CAMKMT: variants seen among roughly 807,000 people sequenced by gnomAD.
CAMKMT encodes calmodulin-lysine N-methyltransferase, also known as CaM KMT.
A neutral mutation model predicts 48.0 loss-of-function variants in CAMKMT; 53 were observed. The ratio of observed to expected loss-of-function variants is 1.10; its 90% CI spans 0.89 to 1.39. The LOEUF (loss-of-function observed/expected upper bound fraction) is 1.39. CAMKMT is among the 40% of genes most tolerant of loss of function. The probability of loss-of-function intolerance (pLI) is 0.00; values close to 1 mark genes in which losing one functional copy is unlikely to be tolerated. For synonymous variants in CAMKMT, 165 were observed against 152.3 expected, an observed-to-expected ratio of 1.08 and a Z score of -0.61; for missense variants, 428 against 402.7, an observed-to-expected ratio of 1.06 and a Z score of -0.54.
chr2:44,614,066 A>G (rs1671739832), intron 3 of CAMKMT, among the ~76,000 whole-genome samples: 2 of 152,252 alleles, frequency 1.3e-5, no homozygotes, highest in Non-Finnish European at 1.5e-5. Context: ...CAGAAAACCT[A>G]TAATGCTTTT....
At chr2:44,614,809 G>A (rs1671778855) in intron 3 of CAMKMT, among the ~76,000 whole-genome samples, 1 of 151,916 alleles carries the variant, frequency 6.6e-6, no homozygotes, top group African/African-American at 2.4e-5. Flanking sequence ...GTCTCAGTAT[G>A]CTTCACACAC....
chr2:44,684,447 A>G (rs1371334174), intron 3 of CAMKMT, among the ~76,000 whole-genome samples: 1 of 152,098 alleles, frequency 6.6e-6, no homozygotes, highest in Non-Finnish European at 1.5e-5. Context: ...AATTTTCTAT[A>G]TGGCTTAAGG....
At chr2:44,401,341 G>C (rs1682360004) in intron 3 of CAMKMT, among the ~76,000 whole-genome samples, 2 of 152,086 alleles carry the variant, frequency 1.3e-5, no homozygotes. Context: ...TGGATCACCT[G>C]AGGTCAGGAG....
intron 3 of CAMKMT, among the ~76,000 whole-genome samples, chr2:44,462,210 A>C (rs982881354): frequency 5.9e-5 from 9 of 152,158 alleles, no homozygotes; most frequent in Non-Finnish European, 1.3e-4. Flanking sequence ...AAATTCAAAT[A>C]ATAAAGAAAA....
At chr2:44,622,441 C>T (rs1672250696) in intron 3 of CAMKMT, among the ~76,000 whole-genome samples, 1 of 152,170 alleles carries the variant, frequency 6.6e-6, no homozygotes, top group African/African-American at 2.4e-5. Context: ...GAACCCATCA[C>T]CCAGAAAGTG....
chr2:44,533,753 G>A (rs1666613129), intron 3 of CAMKMT, among the ~76,000 whole-genome samples: 1 of 152,122 alleles, frequency 6.6e-6, no homozygotes, highest in Non-Finnish European at 1.5e-5. Flanking sequence ...TGAGGAAGAG[G>A]AAGGACTCAA....
intron 3 of CAMKMT, among the ~76,000 whole-genome samples, chr2:44,644,285 A>G (rs186630745): frequency 6.6e-6 from 1 of 152,340 alleles, no homozygotes; most frequent in East Asian, 1.9e-4. Context: ...TACCAAAAGA[A>G]CTGTCCCATT....
intron 3 of CAMKMT, among the ~76,000 whole-genome samples, chr2:44,514,743 G>A (rs1670751392): frequency 6.6e-6 from 1 of 152,176 alleles, no homozygotes; most frequent in Non-Finnish European, 1.5e-5. Context: ...TACATTAATA[G>A]GAGAAACTTT....
chr2:44,438,092 A>T (rs1572874785), intron 3 of CAMKMT, among the ~76,000 whole-genome samples: 1 of 152,164 alleles, frequency 6.6e-6, no homozygotes, highest in Non-Finnish European at 1.5e-5. Context: ...TTATAGCCGC[A>T]TGAGAAAACT....
intron 5 of CAMKMT, among the ~76,000 whole-genome samples, chr2:44,707,154 G>A (rs1677607842): frequency 6.6e-6 from 1 of 151,892 alleles, no homozygotes; most frequent in African/African-American, 2.4e-5. Flanking sequence ...ATCATCCGCT[G>A]TCACAATGCA....
At chr2:44,597,325 C>T (rs1670723492) in intron 3 of CAMKMT, among the ~76,000 whole-genome samples, 1 of 152,218 alleles carries the variant, frequency 6.6e-6, no homozygotes, top group South Asian at 2.1e-4. Flanking sequence ...TACCTCCATA[C>T]TTCCATTTTG....
intron 9 of CAMKMT, among the ~76,000 whole-genome samples, chr2:44,756,470 A>G (rs1218162237): frequency 6.6e-6 from 1 of 152,114 alleles, no homozygotes; most frequent in Non-Finnish European, 1.5e-5. Context: ...GGCCGGGCAC[A>G]GTGGCTCACA....
At chr2:44,765,089 G>C (rs1291188825) in intron 9 of CAMKMT, among the ~76,000 whole-genome samples, 1 of 152,064 alleles carries the variant, frequency 6.6e-6, no homozygotes, top group East Asian at 1.9e-4. Flanking sequence ...TTAGCCAGGC[G>C]TGGTGGACTG....
At chr2:44,394,732 C>T (rs1264510453) in intron 3 of CAMKMT, 7 of 364,602 alleles carry the variant, frequency 1.9e-5, no homozygotes, top group African/African-American at 1.3e-4. Context: ...CTGACCTGAC[C>T]AGGATTTTTA....
intron 3 of CAMKMT, among the ~76,000 whole-genome samples, chr2:44,425,792 A>G (rs764336779): frequency 2.0e-5 from 3 of 150,936 alleles, no homozygotes; most frequent in Non-Finnish European, 4.4e-5. Flanking sequence ...GTGCAATAGC[A>G]TGATCTTGGC....
At chr2:44,569,896 A>C (rs781148345) in intron 3 of CAMKMT, among the ~76,000 whole-genome samples, 3 of 152,164 alleles carry the variant, frequency 2.0e-5, no homozygotes, top group Non-Finnish European at 2.9e-5. Context: ...AGGAGTTTTT[A>C]TAGTTGTTGG....
At chr2:44,549,511 A>C in intron 3 of CAMKMT, 1 of 693,034 alleles carries the variant, frequency 1.4e-6, no homozygotes, top group Non-Finnish European at 2.6e-6. Flanking sequence ...TTACTTTTGC[A>C]CCAACCTAAA....
chr2:44,691,599 C>T (rs1251650320), intron 3 of CAMKMT, among the ~76,000 whole-genome samples: 1 of 152,272 alleles, frequency 6.6e-6, no homozygotes, highest in Non-Finnish European at 1.5e-5. Context: ...CCACATGCTC[C>T]TTATCTGCCC....
chr2:44,601,504 A>G (rs947667052), intron 3 of CAMKMT, among the ~76,000 whole-genome samples: 3 of 151,984 alleles, frequency 2.0e-5, no homozygotes, highest in African/African-American at 7.3e-5. Flanking sequence ...ACAAAATTTT[A>G]AAAAATCATA....
Sources: gnomAD v4.1 joint callset for allele counts (sites outside exome capture counted in the v4.1 genomes callset) on GRCh38, gnomAD v4.1.1 for gene constraint, MANE v1.5 for transcripts, NCBI Gene and HGNC (gene_info 2026-07-23, HGNC 2026-07-21) for gene names.